Variants in ARHGAP35 observed in about 807,000 individuals in gnomAD.
The protein encoded by ARHGAP35 is Rho GTPase activating protein 35.
ARHGAP35 carries 15 observed loss-of-function variants against 111.1 expected under a neutral mutation model. The observed-to-expected ratio is 0.13, with a 90% CI of 0.09 to 0.21. The LOEUF (loss-of-function observed/expected upper bound fraction) is 0.21. Ranked by LOEUF, ARHGAP35 falls within the 10% of genes least tolerant of loss-of-function variation. The pLI, the probability that ARHGAP35 is intolerant of heterozygous loss-of-function variation, is 1.00. For missense variants in ARHGAP35, 1,262 were observed against 1,873.0 expected (o/e 0.67, Z 6.02); for synonymous variants, 643 against 710.3 (o/e 0.91, Z 1.51).
intron 3 of ARHGAP35, among the ~76,000 whole-genome samples, chr19:46,981,728 G>A (rs886943373): frequency 6.6e-5 from 10 of 152,228 alleles, no homozygotes; most frequent in African/African-American, 2.2e-4. Flanking sequence ...CAGGGCAGTC[G>A]AAGGGCTGAA....
At chr19:46,889,851 G>A (rs983625463) in intron 1 of ARHGAP35, among the ~76,000 whole-genome samples, 22 of 151,824 alleles carry the variant, frequency 1.4e-4, no homozygotes, top group African/African-American at 4.6e-4. Flanking sequence ...CAGTGTGACC[G>A]CTGAAAAACT....
chr19:46,900,222 G>GTTTT (rs373787596), intron 1 of ARHGAP35, among the ~76,000 whole-genome samples: 10 of 128,664 alleles, frequency 7.8e-5, no homozygotes, highest in South Asian at 4.9e-4. Flanking sequence ...TGTTTTTTGG[G>GTTTT]TTTTTTTTTT....
At chr19:46,991,790 T>C (rs559798263) in intron 5 of ARHGAP35, among the ~76,000 whole-genome samples, 22 of 152,318 alleles carry the variant, frequency 1.4e-4, no homozygotes, top group African/African-American at 5.3e-4. Context: ...AGGGATATTA[T>C]GGAAAAAAGA....
At chr19:46,874,062 T>A (rs927037086) in intron 1 of ARHGAP35, among the ~76,000 whole-genome samples, 4 of 152,202 alleles carry the variant, frequency 2.6e-5, no homozygotes, top group South Asian at 2.1e-4. Context: ...ATTAATTAAA[T>A]TTTTTTTCCC....
At chr19:46,950,447 G>A (rs2056405234) in intron 3 of ARHGAP35, among the ~76,000 whole-genome samples, 1 of 152,186 alleles carries the variant, frequency 6.6e-6, no homozygotes, top group Admixed American at 6.5e-5. Context: ...TACCTAGAAG[G>A]GAGGCAGTTT....
intron 2 of ARHGAP35, among the ~76,000 whole-genome samples, chr19:46,936,720 T>C (rs1472612605): frequency 1.3e-5 from 2 of 152,158 alleles, no homozygotes; most frequent in Admixed American, 1.3e-4. Context: ...ATCTTTGTTC[T>C]AATAATGTGG....
intron 3 of ARHGAP35, among the ~76,000 whole-genome samples, chr19:46,938,718 C>T (rs1490848014): frequency 6.6e-6 from 1 of 150,398 alleles, no homozygotes; most frequent in Non-Finnish European, 1.5e-5. Context: ...AGTGCAGTGG[C>T]ATGATCTTGG....
intron 3 of ARHGAP35, among the ~76,000 whole-genome samples, chr19:46,965,482 G>T (rs1476781215): frequency 6.6e-6 from 1 of 151,748 alleles, no homozygotes; most frequent in Admixed American, 6.6e-5. Context: ...TTGTTTGTTT[G>T]TTTGTTTGTT....
At chr19:46,980,019 G>A (rs1380236549) in intron 3 of ARHGAP35, among the ~76,000 whole-genome samples, 2 of 152,138 alleles carry the variant, frequency 1.3e-5, no homozygotes, top group Admixed American at 6.5e-5. Context: ...GACACAGCGA[G>A]GAAACCTTCT....
At chr19:46,870,888 A>G (rs2055884174) in intron 1 of ARHGAP35, among the ~76,000 whole-genome samples, 1 of 152,186 alleles carries the variant, frequency 6.6e-6, no homozygotes, top group Non-Finnish European at 1.5e-5. Flanking sequence ...AAGTACGTAA[A>G]TCTTAAGTGT....
chr19:47,001,717 G>A lies in ARHGAP35; in HGVS notation c.*1029G>A, dbSNP rs1032517849. ...GTCCATTACGATAGAAACACTAATT[G>A]AGCATGTGCGTGGGGTGGGGGTGTG... On this transcript the variant is annotated 3_prime_UTR_variant, in exon 7 of 7. Coordinates refer to ENST00000672722, the MANE Select transcript of ARHGAP35 (RefSeq NM_004491.5). The surrounding 1 kb of genome is among the most constrained non-coding windows in gnomAD (Gnocchi z 5.4). 3.1e-5 allele frequency: 10 copies of A among 324,280 alleles called. No individual in the cohort carries two copies. The highest frequency in any genetic ancestry group is 1.9e-4 in the African/African-American group (9 of 46,350). The allele number at this position is 324,280 out of a possible 1,614,324, so 20.1% of individuals were successfully genotyped here. A position where few individuals can be genotyped will look rare whatever the true frequency, so the allele number is the denominator to read the frequency against.
At chr19:46,961,049 C>G (rs1356019765) in intron 3 of ARHGAP35, among the ~76,000 whole-genome samples, 2 of 152,104 alleles carry the variant, frequency 1.3e-5, no homozygotes, top group Non-Finnish European at 2.9e-5. Context: ...CGCCTGCCAC[C>G]ACGCCCAGCT....
At position 46,953,955 on chromosome 19, in the gene ARHGAP35, A is replaced by T. The variant is rs147727296; in HGVS notation, c.3826+16547A>T. Among the ~76,000 whole-genome samples, 635 of 152,212 alleles carry T rather than the reference A, an allele frequency of 4.2e-3. 2 individuals carry two copies. The highest frequency in any genetic ancestry group is 6.6e-3 in the Non-Finnish European group (452 of 68,012). On this transcript the variant is annotated intron_variant, in intron 3 of 6. Transcript: ENST00000672722. ...TCTAACACATTCCCATCCTTTCCGA[A>T]GCCTTCACACTCTAGACATGCCTCG...
At chr19:46,930,246 C>G (rs1221706460) in intron 2 of ARHGAP35, among the ~76,000 whole-genome samples, 2 of 151,598 alleles carry the variant, frequency 1.3e-5, no homozygotes, top group Non-Finnish European at 2.9e-5. Context: ...GTAGTCCCAG[C>G]TAGTTGGGAG....
chr19:46,939,636 C>T (rs895267969), intron 3 of ARHGAP35, among the ~76,000 whole-genome samples: 6 of 150,830 alleles, frequency 4.0e-5, no homozygotes, highest in African/African-American at 1.5e-4. Context: ...TCGTCTCAAA[C>T]TCCTGACCTC....
At chr19:46,998,988 G>A (rs1305003333) in intron 5 of ARHGAP35, 3 of 302,958 alleles carry the variant, frequency 9.9e-6, no homozygotes, top group African/African-American at 2.1e-5. Context: ...AGGGGCAACC[G>A]GATGAGCAAA....
At chr19:46,897,711 G>T (rs202204517) in intron 1 of ARHGAP35, among the ~76,000 whole-genome samples, 1 of 133,344 alleles carries the variant, frequency 7.5e-6, no homozygotes, top group Non-Finnish European at 1.6e-5. Flanking sequence ...AAAAAAAAAA[G>T]AGGCCCTACA....
At chr19:46,958,963 G>A (rs918514195) in intron 3 of ARHGAP35, among the ~76,000 whole-genome samples, 21 of 152,056 alleles carry the variant, frequency 1.4e-4, no homozygotes, top group African/African-American at 4.4e-4. Context: ...TCTCCTGGTT[G>A]CTTTTGTGTG....
At chr19:46,903,998 T>C (rs1030573133) in intron 1 of ARHGAP35, among the ~76,000 whole-genome samples, 6 of 151,840 alleles carry the variant, frequency 4.0e-5, no homozygotes, top group African/African-American at 1.5e-4. Context: ...ATACATTTAG[T>C]GAGGGGTGGA....
Sources: allele counts gnomAD v4.1 joint callset (sites outside exome capture counted in the v4.1 genomes callset), GRCh38; gene constraint gnomAD v4.1.1; non-coding constraint Gnocchi (gnomAD v3.1); transcripts MANE v1.5; gene names NCBI Gene and HGNC (gene_info 2026-07-23, HGNC 2026-07-21).